The following KIF13A variants were observed in gnomAD, a reference collection of about 807,000 sequenced individuals.
KIF13A encodes kinesin family member 13A.
Under a neutral mutation model 212.2 loss-of-function variants are expected in KIF13A, and 79 were observed. That is an observed-to-expected ratio of 0.37 (90% confidence interval 0.31 to 0.45). The LOEUF is 0.45. Ranked by LOEUF, KIF13A falls within the 20% of genes least tolerant of loss-of-function variation. The pLI is 1.00. For synonymous variants in KIF13A, 789 were observed against 808.6 expected, an observed-to-expected ratio of 0.98 and a Z score of 0.41; for missense variants, 1,901 against 2,209.0, an observed-to-expected ratio of 0.86 and a Z score of 2.79.
chr6:17,781,623 GT>G (rs776138365), intron 29 of KIF13A, among the ~76,000 whole-genome samples: 19,492 of 106,918 alleles, frequency 0.18, 1,032 homozygotes, highest in South Asian at 0.27. Context: ...CTGTACTTGG[GT>G]TTTTTTTTTT....
chr6:17,931,487 T>C (rs1775983088), intron 2 of KIF13A, among the ~76,000 whole-genome samples: 1 of 152,178 alleles, frequency 6.6e-6, no homozygotes, highest in Non-Finnish European at 1.5e-5. Flanking sequence ...AACTCACATG[T>C]TGGGAAGGCA....
chr6:17,777,440 G>A lies in KIF13A; in HGVS notation c.4093-86C>T, dbSNP rs6902642. ...ACTCTGTTGCCCAGGCTGGAGTGTA[G>A]TGATGCGATCTCTGCTCACTGCAAC... On this transcript the variant is annotated intron_variant, in intron 33 of 38. Transcript: ENST00000259711. This position sits in a 1 kb window ranked among gnomAD's most constrained non-coding sequence, Gnocchi z 4.4. The A allele has an allele frequency of 9.8e-3, 10,965 of 1,120,132 alleles. 780 individuals carry two copies. In the African/African-American group the frequency reaches 0.15, roughly 15 times the overall value. 69.4% of individuals were successfully genotyped at this position (1,120,132 alleles called of 1,614,324 possible).
intron 2 of KIF13A, among the ~76,000 whole-genome samples, chr6:17,905,275 G>A (rs1773397329): frequency 6.6e-6 from 1 of 152,176 alleles, no homozygotes. Flanking sequence ...TAATCAGCAA[G>A]TATTTATTGA....
rs185449532 is a variant in KIF13A, at chr6:17,843,267, A to G, written c.831-5684T>C. 3.8e-3 allele frequency among the ~76,000 whole-genome samples: 579 copies of G among 152,308 alleles called. 3 individuals are homozygous for G. The highest frequency in any genetic ancestry group is 0.013 in the African/African-American group (560 of 41,584). On this transcript the variant is annotated intron_variant, in intron 9 of 38. Transcript: ENST00000259711. This position sits in a 1 kb window ranked among gnomAD's most constrained non-coding sequence, Gnocchi z 5.3. ...CCTCTGTTTAAAAAGGACTAATTCA[A>G]TGATGGTTTTGGGATACATCGAGTG... is the stretch of plus-strand genomic sequence containing the variant.
intron 2 of KIF13A, among the ~76,000 whole-genome samples, chr6:17,946,879 G>A (rs144539708): frequency 1.0e-3 from 153 of 152,286 alleles, no homozygotes; most frequent in African/African-American, 3.6e-3. Context: ...ATTCAGCTAC[G>A]TGCATCAACA....
rs367704727 is a variant in KIF13A, at chr6:17,821,815, G to A, written c.1786+3953C>T. On this transcript the variant is annotated intron_variant, in intron 16 of 38. Transcript: ENST00000259711. ...ATCCCAGTGTTTGTGGAGGAGCTTC[G>A]TCTGAAACCACATGAGAGGAAAGAG... is the stretch of plus-strand genomic sequence containing the variant. 412 of 1,535,292 alleles carry A rather than the reference G, an allele frequency of 2.7e-4. 3 individuals are homozygous for A. The highest frequency in any genetic ancestry group is 2.6e-3 in the South Asian group (217 of 84,038).
chr6:17,883,728 G>T lies in KIF13A; in HGVS notation c.160-10291C>A, dbSNP rs757818246. 1.3e-5 allele frequency among the ~76,000 whole-genome samples: 2 copies of T among 152,242 alleles called. No homozygotes were observed. The highest frequency in any genetic ancestry group is 2.9e-5 in the Non-Finnish European group (2 of 68,018). ...GATCAAGAAATCCTTTGGGTATATT[G>T]AACACAGTGAGATGTCTAGGGAAAA... On this transcript the variant is annotated intron_variant, in intron 3 of 38. Transcript: ENST00000259711. This position sits in a 1 kb window ranked among gnomAD's most constrained non-coding sequence, Gnocchi z 4.8.
chr6:17,972,583 T>C (rs193035558), intron 2 of KIF13A, among the ~76,000 whole-genome samples: 1 of 152,324 alleles, frequency 6.6e-6, no homozygotes, highest in Non-Finnish European at 1.5e-5. Context: ...ATTTATTGAA[T>C]GTGGCCCTTC....
In KIF13A at chr6:17,821,662, A is replaced by G. The variant is rs781568480; in HGVS notation, c.1786+4106T>C. 5.4e-5 allele frequency: 61 copies of G among 1,123,660 alleles called. No homozygotes were observed. In the South Asian group the frequency reaches 9.2e-4, roughly 17 times the overall value. 69.6% of individuals were successfully genotyped at this position (1,123,660 alleles called of 1,614,324 possible). On this transcript the variant is annotated intron_variant, in intron 16 of 38. Coordinates refer to ENST00000259711, the MANE Select transcript of KIF13A (RefSeq NM_022113.6). ...TACAGAACACCTTCATCAGCCAGAA[A>G]ACTCCAGCTTCTTCCCAATCATGTT...
intron 9 of KIF13A, among the ~76,000 whole-genome samples, chr6:17,840,599 A>C (rs980024203): frequency 1.1e-4 from 16 of 152,220 alleles, no homozygotes; most frequent in South Asian, 2.1e-4. Context: ...GGATTTATCC[A>C]TCACCGAGAG....
In KIF13A at chr6:17,961,698, A is replaced by G. The variant is rs559394583; in HGVS notation, c.146+25356T>C. Among the ~76,000 whole-genome samples the G allele has an allele frequency of 2.0e-5, 3 of 152,218 alleles. No individual in the cohort carries two copies. Among genetic ancestry groups the G allele is most frequent in the Non-Finnish European group, 4.4e-5 (3 of 68,042 alleles). The stretch of plus-strand genomic sequence containing the variant: ...TTGTTTTCTTCTTATATACAATTGT[A>G]TAACAGTTATTTTCCTGTTTGCATG... On this transcript the variant is annotated intron_variant, in intron 2 of 38. Coordinates refer to ENST00000259711, the MANE Select transcript of KIF13A (RefSeq NM_022113.6). This position sits in a 1 kb window ranked among gnomAD's most constrained non-coding sequence, Gnocchi z 4.1.
At chr6:17,793,151 C>T (rs1410693248) in intron 25 of KIF13A, among the ~76,000 whole-genome samples, 1 of 152,126 alleles carries the variant, frequency 6.6e-6, no homozygotes, top group Non-Finnish European at 1.5e-5. Context: ...ATGATCTTGG[C>T]TCACTTGCAG....
chr6:17,828,153 T>C lies in KIF13A; in HGVS notation c.1532+87A>G, dbSNP rs1765134937. 6 of 1,379,870 alleles carry C rather than the reference T, an allele frequency of 4.3e-6. No individual in the cohort carries two copies. Among genetic ancestry groups the C allele is most frequent in the Middle Eastern group, 1.8e-4 (1 of 5,430 alleles). 85.5% of individuals were successfully genotyped at this position (1,379,870 alleles called of 1,614,324 possible). The stretch of plus-strand genomic sequence containing the variant: ...CCCCCATGTATCCTTAACTTTAATA[T>C]AGCTGAAAGCAAACAGAAAGAGGCA... On this transcript the variant is annotated intron_variant, in intron 14 of 38. Transcript: ENST00000259711. The surrounding 1 kb of genome is among the most constrained non-coding windows in gnomAD (Gnocchi z 4.3).
chr6:17,841,908 G>A (rs1766543274), intron 9 of KIF13A, among the ~76,000 whole-genome samples: 1 of 151,620 alleles, frequency 6.6e-6, no homozygotes, highest in East Asian at 1.9e-4. Context: ...TCTGAAAGGC[G>A]AATCACAGGC....
In KIF13A at chr6:17,828,305, A is replaced by C. The variant is rs753456637; in HGVS notation, c.1467T>G (p.Pro489=). ...DIQLFGIGIQ[P]QHCEIDIASD... Reference sequence around the variant, plus strand: ...ATGCAATGTCAATCTCACAGTGCTGAGGCTGAATTCCTATGCCAAAAAGCT... The same window carrying C: ...ATGCAATGTCAATCTCACAGTGCTGCGGCTGAATTCCTATGCCAAAAAGCT... The change falls in exon 14 of 39, where the codon CCT becomes CCG. Residue 489 remains proline, a synonymous_variant. Transcript: ENST00000259711. The surrounding 1 kb of genome is among the most constrained non-coding windows in gnomAD (Gnocchi z 4.3). 1 of 1,610,942 alleles carries C rather than the reference A, an allele frequency of 6.2e-7. No homozygotes were observed. The highest frequency in any genetic ancestry group is 8.5e-7 in the Non-Finnish European group (1 of 1,178,426).
At chr6:17,782,606 G>T (rs899869222) in intron 29 of KIF13A, among the ~76,000 whole-genome samples, 5 of 149,176 alleles carry the variant, frequency 3.4e-5, no homozygotes, top group Non-Finnish European at 7.5e-5. Context: ...CTGTACTCCA[G>T]CCTGGGTGAC....
At position 17,794,200 on chromosome 6, in the gene KIF13A, T is replaced by G. The variant is rs1442123490; in HGVS notation, c.3222+49A>C. On this transcript the variant is annotated intron_variant, in intron 25 of 38. Transcript: ENST00000259711. This position sits in a 1 kb window ranked among gnomAD's most constrained non-coding sequence, Gnocchi z 4.1. ...TTGGCAAAGAGGTCCCCCTGGGACC[T>G]GCATTAACCAAGCTTTGTTAAATAC... The G allele has an allele frequency of 6.7e-7, 1 of 1,483,630 alleles. No individual in the cohort carries two copies. The highest frequency in any genetic ancestry group is 9.3e-7 in the Non-Finnish European group (1 of 1,079,912). 91.9% of individuals were successfully genotyped at this position (1,483,630 alleles called of 1,614,324 possible).
In KIF13A at chr6:17,840,542, T is replaced by C. The variant is rs559801754; in HGVS notation, c.831-2959A>G. Among the ~76,000 whole-genome samples the C allele has an allele frequency of 1.1e-3, 161 of 152,308 alleles. 1 individual carries two copies. Among genetic ancestry groups the C allele is most frequent in the African/African-American group, 3.5e-3 (146 of 41,578 alleles). ...TTAAAAGTCAATATTAGTAACTTTA[T>C]GGTTGACAGTGACCTTTCACATGAA... On this transcript the variant is annotated intron_variant, in intron 9 of 38. Transcript: ENST00000259711.
At position 17,797,813 on chromosome 6, in the gene KIF13A, A is replaced by G. The variant is rs777205711; in HGVS notation, c.2791-993T>C. Reference sequence around the variant, plus strand: ...CTCAGGAGGCTGAGGCAGGAGGATTACTTGAACCCAGGAGTTCGAGGCTGC... The same window carrying G: ...CTCAGGAGGCTGAGGCAGGAGGATTGCTTGAACCCAGGAGTTCGAGGCTGC... On this transcript the variant is annotated intron_variant, in intron 22 of 38. Coordinates refer to ENST00000259711, the MANE Select transcript of KIF13A (RefSeq NM_022113.6). Among the ~76,000 whole-genome samples, 111 of 152,170 alleles carry G rather than the reference A, an allele frequency of 7.3e-4. 1 individual carries two copies. Among genetic ancestry groups the G allele is most frequent in the Non-Finnish European group, 4.3e-4 (29 of 68,010 alleles).
Sources: gnomAD v4.1 joint callset for allele counts (sites outside exome capture counted in the v4.1 genomes callset) on GRCh38, gnomAD v4.1.1 for gene constraint, Gnocchi (gnomAD v3.1) non-coding constraint, MANE v1.5 for transcripts, NCBI Gene and HGNC (gene_info 2026-07-23, HGNC 2026-07-21) for gene names.